Variants in ITPR1 observed in about 807,000 individuals in gnomAD.
ITPR1 encodes inositol 1,4,5-trisphosphate receptor type 1.
ITPR1 carries 96 observed loss-of-function variants against 318.4 expected under a neutral mutation model. The ratio of observed to expected loss-of-function variants is 0.30; its 90% CI spans 0.26 to 0.36. The LOEUF (loss-of-function observed/expected upper bound fraction) is 0.36. ITPR1 is among the 10% of genes least tolerant of loss of function. The probability of loss-of-function intolerance (pLI) is 1.00; values close to 1 mark genes in which losing one functional copy is unlikely to be tolerated. For synonymous variants in ITPR1, 1,312 were observed against 1,289.9 expected (o/e 1.02, Z -0.37); for missense variants, 2,440 against 3,460.2 (o/e 0.71, Z 7.40).
At chr3:4,532,573 G>A (rs896405797) in intron 4 of ITPR1, among the ~76,000 whole-genome samples, 20 of 152,212 alleles carry the variant, frequency 1.3e-4, no homozygotes, top group Middle Eastern at 6.8e-3. Flanking sequence ...GTTTCGCCAC[G>A]TTGCCCAGGC....
At chr3:4,646,680 G>A (rs556261499) in intron 10 of ITPR1, among the ~76,000 whole-genome samples, 3 of 152,168 alleles carry the variant, frequency 2.0e-5, no homozygotes, top group Admixed American at 6.5e-5. Context: ...GTAATTTGTT[G>A]TAAGGAGAGT....
chr3:4,801,657 G>A (rs903763805), intron 54 of ITPR1, among the ~76,000 whole-genome samples: 6 of 152,054 alleles, frequency 3.9e-5, no homozygotes, highest in Non-Finnish European at 7.4e-5. Context: ...CTAGCTACTC[G>A]GGAGACTGAG....
intron 4 of ITPR1, among the ~76,000 whole-genome samples, chr3:4,532,918 C>A (rs2083537918): frequency 1.3e-5 from 2 of 152,302 alleles, no homozygotes; most frequent in South Asian, 4.1e-4. Context: ...CTGAGTTTCC[C>A]CCGATTCAAA....
Position 4,733,235 on chromosome 3 carries a change from G to T in ITPR1, c.5353+15G>T. On this transcript the variant is annotated intron_variant, in intron 43 of 61. Coordinates refer to ENST00000649015, the MANE Select transcript of ITPR1 (RefSeq NM_001378452.1). ...CGGGGGAGGAGGTACGCTTTGTGGT[G>T]TAATTACCTTCGTGTGTGAATCAAG... is the stretch of plus-strand genomic sequence containing the variant. The T allele has an allele frequency of 6.2e-7, 1 of 1,613,096 alleles. No homozygotes were observed. The highest frequency in any genetic ancestry group is 8.5e-7 in the Non-Finnish European group (1 of 1,179,170).
chr3:4,623,593 A>G (rs1316446393), intron 4 of ITPR1, among the ~76,000 whole-genome samples: 1 of 152,174 alleles, frequency 6.6e-6, no homozygotes, highest in Non-Finnish European at 1.5e-5. Flanking sequence ...GTATTTGTAC[A>G]TTTCTATACT....
At chr3:4,644,114 C>T (rs1208159646) in intron 7 of ITPR1, 22 bp from the exon 8 acceptor site, 1 of 1,537,938 alleles carries the variant, frequency 6.5e-7, no homozygotes, top group Non-Finnish European at 9.0e-7. Flanking sequence ...GTGCAAAGCT[C>T]TATTGCTCCT....
chr3:4,836,792 T>A lies in ITPR1; in HGVS notation c.8047T>A (p.Phe2683Ile). 1 of 1,399,924 alleles carries A rather than the reference T, an allele frequency of 7.1e-7. No homozygotes were observed. The allele number at this position is 1,399,924 out of a possible 1,614,324, so 86.7% of individuals were successfully genotyped here. A position where few individuals can be genotyped will look rare whatever the true frequency, so the allele number is the denominator to read the frequency against. ...ATTCTAGGAAAGAAACCTTGACTGG[T>A]TCCCCAGGATGAGAGCCATGTCATT... is the stretch of plus-strand genomic sequence containing the variant. The part of the protein sequence containing the change: ...EMIKERNLDW[F>I]PRMRAMSLVS... Residue 2683 changes from phenylalanine to isoleucine, a missense_variant, in exon 61 of 62, where the codon TTC becomes ATC. Phe to Ile is a conservative substitution (Grantham distance 21). Coordinates refer to ENST00000649015, the MANE Select transcript of ITPR1 (RefSeq NM_001378452.1).
chr3:4,607,459 C>A (rs2091781553), intron 4 of ITPR1, among the ~76,000 whole-genome samples: 1 of 152,118 alleles, frequency 6.6e-6, no homozygotes, highest in Non-Finnish European at 1.5e-5. Context: ...CCTTATAAAC[C>A]ACCCAATGGG....
At chr3:4,641,471 G>A (rs11717037) in intron 6 of ITPR1, among the ~76,000 whole-genome samples, 119,774 of 152,126 alleles carry the variant, frequency 0.79, 48,474 homozygotes, top group East Asian at 1. Flanking sequence ...GCAACTCCTG[G>A]GCTCAGGTGA....
At chr3:4,624,670 CAAAAAAAAAAAAAAA>C (rs1161664837) in intron 4 of ITPR1, among the ~76,000 whole-genome samples, 2 of 72,506 alleles carry the variant, frequency 2.8e-5, no homozygotes, top group African/African-American at 4.3e-5. Context: ...GCTCTGTCTC[CAAAAAAAAAAAAAAA>C]AAAAAAAAGA....
Position 4,782,631 on chromosome 3 carries a change from A to C in ITPR1, c.6400A>C (p.Lys2134Gln), listed in dbSNP as rs758167031. ...MRPKELVEVI[K>Q]KAYMQGEVEF... ...GCTCTTCTTGCAGGTGGAAGTGATCAAGAAAGCCTACATGCAAGGTGAAGT... is the reference window on the plus strand; with the variant it reads ...GCTCTTCTTGCAGGTGGAAGTGATCCAGAAAGCCTACATGCAAGGTGAAGT... The change falls in exon 50 of 62, where the codon AAG (lysine) becomes CAG (glutamine). Residue 2134 changes from lysine (K) to glutamine (Q), a missense_variant. Lys to Gln is a moderately conservative substitution (Grantham distance 53). Transcript: ENST00000649015. 16 of 1,607,196 alleles carry C rather than the reference A, an allele frequency of 1.0e-5. No individual in the cohort carries two copies. Among genetic ancestry groups the C allele is most frequent in the Non-Finnish European group, 1.3e-5 (15 of 1,176,398 alleles).
At position 4,767,247 on chromosome 3, in the gene ITPR1, T is replaced by C. The variant is rs371444033; in HGVS notation, c.5725+537T>C. The stretch of plus-strand genomic sequence containing the variant: ...TTTCTCAACCACAGTACAAGTGACA[T>C]TTGGAGAATTCTTTGTTACAGGACT... On this transcript the variant is annotated intron_variant, in intron 45 of 61. Transcript: ENST00000649015. 7.9e-5 allele frequency among the ~76,000 whole-genome samples: 12 copies of C among 152,354 alleles called. 1 individual carries two copies. The highest frequency in any genetic ancestry group is 1.3e-4 in the Admixed American group (2 of 15,302).
chr3:4,670,802 G>C lies in ITPR1; in HGVS notation c.2080G>C (p.Glu694Gln). ...GAATGCTCTGGAGGCAGGAGAAGAC[G>C]AGGAAGAGGTGTGGCTGTTTTGGAG... ...GENALEAGED[E>Q]EEVWLFWRDS... Residue 694 changes from glutamate to glutamine, a missense_variant, in exon 20 of 62, where the codon GAG becomes CAG. Coordinates refer to ENST00000649015, the MANE Select transcript of ITPR1 (RefSeq NM_001378452.1). 6.2e-7 allele frequency: 1 copy of C among 1,609,412 alleles called. No homozygotes were observed. Among genetic ancestry groups the C allele is most frequent in the Non-Finnish European group, 8.5e-7 (1 of 1,177,734 alleles).
At chr3:4,742,500 G>C (rs1215960592) in intron 44 of ITPR1, among the ~76,000 whole-genome samples, 1 of 152,164 alleles carries the variant, frequency 6.6e-6, no homozygotes, top group Non-Finnish European at 1.5e-5. Flanking sequence ...TTGGAGAATA[G>C]GATGGTGACG....
intron 41 of ITPR1, 32 bp downstream of exon 41, chr3:4,725,613 C>A: frequency 6.3e-7 from 1 of 1,583,266 alleles, no homozygotes; most frequent in African/African-American, 1.3e-5. Context: ...GTAGCGCCAG[C>A]GCCAGCAAAT....
intron 2 of ITPR1, among the ~76,000 whole-genome samples, chr3:4,509,792 A>G (rs913319102): frequency 6.6e-6 from 1 of 152,268 alleles, no homozygotes; most frequent in African/African-American, 2.4e-5. Flanking sequence ...GTGAGACCAT[A>G]ACTCTAAAAA....
chr3:4,836,264 T>C (rs1283150629), intron 60 of ITPR1, among the ~76,000 whole-genome samples: 1 of 151,790 alleles, frequency 6.6e-6, no homozygotes, highest in African/African-American at 2.4e-5. Context: ...GGGAATGGGG[T>C]TAGTGTTTGA....
At chr3:4,701,785 T>A (rs766280136) in intron 35 of ITPR1, among the ~76,000 whole-genome samples, 2 of 152,234 alleles carry the variant, frequency 1.3e-5, no homozygotes, top group Non-Finnish European at 2.9e-5. Context: ...ATGTGAAATG[T>A]CTCACACATA....
intron 60 of ITPR1, among the ~76,000 whole-genome samples, chr3:4,835,473 C>T (rs1203493250): frequency 6.6e-6 from 1 of 152,072 alleles, no homozygotes; most frequent in Non-Finnish European, 1.5e-5. Flanking sequence ...TGACAGAGAC[C>T]AGGTGGCCCA....
Sources: gnomAD v4.1 joint callset for allele counts (sites outside exome capture counted in the v4.1 genomes callset) on GRCh38, gnomAD v4.1.1 for gene constraint, MANE v1.5 for transcripts, NCBI Gene and HGNC (gene_info 2026-07-23, HGNC 2026-07-21) for gene names.